DMD: variants seen among roughly 807,000 people sequenced by gnomAD.
The protein encoded by DMD is mutant dystrophin.
Under a neutral mutation model 330.1 loss-of-function variants are expected in DMD, and 63 were observed. That is an observed-to-expected ratio of 0.19 (90% CI 0.16 to 0.24). DMD has a LOEUF of 0.24. Ranked by LOEUF, DMD falls within the 10% of genes least tolerant of loss-of-function variation. The pLI, the probability that DMD is intolerant of heterozygous loss-of-function variation, is 1.00. For synonymous variants in DMD, 1,223 were observed against 959.8 expected (o/e 1.27, Z -5.07); for missense variants, 3,344 against 2,684.1 (o/e 1.25, Z -5.43).
chrX:31,137,040 A>G, intron 76 of DMD, among the ~76,000 whole-genome samples: 1 of 109,824 alleles, frequency 9.1e-6, no homozygotes, highest in Non-Finnish European at 1.9e-5. Flanking sequence ...TTTTTTTGAG[A>G]TGGAGTCTTG....
intron 12 of DMD, among the ~76,000 whole-genome samples, 200 bp downstream of exon 12, chrX:32,614,103 C>G (rs2057381368): frequency 9.0e-6 from 1 of 110,842 alleles, no homozygotes; most frequent in African/African-American, 3.3e-5. Flanking sequence ...CTAATACAAT[C>G]ACCTGAATTT....
intron 63 of DMD, among the ~76,000 whole-genome samples, chrX:31,260,397 T>G (rs749746515): frequency 1.8e-5 from 2 of 112,285 alleles, no homozygotes; most frequent in East Asian, 5.6e-4. Flanking sequence ...CCATTCAAAA[T>G]AATTCAAGTT....
At chrX:32,497,892 T>A (rs979957459) in intron 19 of DMD, among the ~76,000 whole-genome samples, 1 of 111,864 alleles carries the variant, frequency 8.9e-6, no homozygotes, top group Non-Finnish European at 1.9e-5. Flanking sequence ...AAACCATTAT[T>A]AGTTAGCAAT....
chrX:32,817,584 G>T (rs1232132769), intron 5 of DMD, among the ~76,000 whole-genome samples: 2 of 111,750 alleles, frequency 1.8e-5, no homozygotes, highest in African/African-American at 6.5e-5. Flanking sequence ...ATGAGATGCT[G>T]GAAGAAGACA....
chrX:32,341,030 C>T (rs1330779186), intron 41 of DMD, among the ~76,000 whole-genome samples: 1 of 111,698 alleles, frequency 9.0e-6, no homozygotes, highest in Non-Finnish European at 1.9e-5. Flanking sequence ...CCCTTATATG[C>T]TTATAAAATT....
chrX:32,407,960 C>A (rs1275028765), intron 30 of DMD, among the ~76,000 whole-genome samples: 1 of 79,192 alleles, frequency 1.3e-5, no homozygotes, highest in East Asian at 4.1e-4. Context: ...ACATCACACA[C>A]CAGGGAATGT....
chrX:31,136,884 G>T (rs1296980830), intron 76 of DMD, among the ~76,000 whole-genome samples: 4 of 112,315 alleles, frequency 3.6e-5, no homozygotes, highest in African/African-American at 1.3e-4. Flanking sequence ...AGTGATAATT[G>T]TATCCATTCA....
At chrX:31,859,921 C>T (rs779831406) in intron 48 of DMD, among the ~76,000 whole-genome samples, 8 of 111,766 alleles carry the variant, frequency 7.2e-5, no homozygotes, top group Admixed American at 1.9e-4. Context: ...TTCTGCACCG[C>T]GTTCTGTCTG....
At chrX:31,877,667 T>TTGTGTGTGTGTG (rs10670657) in intron 47 of DMD, among the ~76,000 whole-genome samples, 27 of 102,358 alleles carry the variant, frequency 2.6e-4, no homozygotes, top group African/African-American at 8.9e-4. Context: ...TGCTGAACTC[T>TTGTGTGTGTGTG]TGTGTGTGTG....
At chrX:32,355,145 C>T (rs1415145653) in intron 37 of DMD, among the ~76,000 whole-genome samples, 1 of 111,272 alleles carries the variant, frequency 9.0e-6, no homozygotes, top group Non-Finnish European at 1.9e-5. Context: ...ATTTTTAATA[C>T]AAAAAGTATA....
intron 21 of DMD, among the ~76,000 whole-genome samples, chrX:32,473,832 T>G (rs1440164280): frequency 3.6e-5 from 4 of 110,948 alleles, no homozygotes; most frequent in African/African-American, 1.3e-4. Flanking sequence ...ACCTGATGCA[T>G]TTATTTTTTA....
At position 32,409,874 on chromosome X, in the gene DMD, A is replaced by C. The variant is rs759662907; in HGVS notation, c.4233+1878T>G. ...TCAGAAACAATTACTCATTCCTATC[A>C]TGCATTTTACTAAACCCTGCCGTGG... On this transcript the variant is annotated intron_variant, in intron 30 of 78. Transcript: ENST00000357033. 4.5e-5 allele frequency among the ~76,000 whole-genome samples: 5 copies of C among 111,519 alleles called. No homozygotes were observed. The South Asian group carries it at 1.9e-3, about 42-fold the overall frequency.
At chrX:32,013,248 G>A (rs1416105601) in intron 44 of DMD, among the ~76,000 whole-genome samples, 1 of 108,368 alleles carries the variant, frequency 9.2e-6, no homozygotes, top group Non-Finnish European at 1.9e-5. Flanking sequence ...CACCAAACCC[G>A]GCTAATTTTT....
chrX:32,044,446 A>G (rs748304243), intron 44 of DMD, among the ~76,000 whole-genome samples: 20 of 108,209 alleles, frequency 1.8e-4, no homozygotes, highest in East Asian at 5.8e-4. Context: ...TTTTGAGATG[A>G]AGTCTCGCTC....
intron 77 of DMD, among the ~76,000 whole-genome samples, chrX:31,130,892 G>A (rs1357124639): frequency 8.9e-6 from 1 of 112,035 alleles, no homozygotes; most frequent in Non-Finnish European, 1.9e-5. Flanking sequence ...TGTTTATGAA[G>A]AGCATAAGTT....
intron 50 of DMD, among the ~76,000 whole-genome samples, chrX:31,808,015 G>GT (rs1312013440): frequency 3.6e-5 from 4 of 111,918 alleles, no homozygotes; most frequent in Non-Finnish European, 7.5e-5. Flanking sequence ...TAAGGCTGCT[G>GT]TAAGATTAAA....
intron 61 of DMD, among the ~76,000 whole-genome samples, chrX:31,328,394 T>G (rs749317281): frequency 8.1e-5 from 9 of 111,691 alleles, no homozygotes; most frequent in Non-Finnish European, 1.7e-4. Context: ...GTTGGCATAA[T>G]TCTCAAAGCA....
chrX:31,454,677 G>C (rs2066022821), intron 59 of DMD, among the ~76,000 whole-genome samples: 1 of 112,057 alleles, frequency 8.9e-6, no homozygotes, highest in Non-Finnish European at 1.9e-5. Context: ...AGGTGGGCCT[G>C]AGAATTTGGC....
At chrX:32,393,905 G>T (rs887514053) in intron 30 of DMD, among the ~76,000 whole-genome samples, 1 of 111,407 alleles carries the variant, frequency 9.0e-6, no homozygotes, top group Non-Finnish European at 1.9e-5. Flanking sequence ...ACATGAGCTC[G>T]TCAATGACCA....
Sources: allele counts gnomAD v4.1 joint callset (sites outside exome capture counted in the v4.1 genomes callset), GRCh38; gene constraint gnomAD v4.1.1; transcripts MANE v1.5; gene names NCBI Gene and HGNC (gene_info 2026-07-23, HGNC 2026-07-21).